Variants in LY6G5B observed in about 807,000 individuals in gnomAD.
LY6G5B encodes the protein lymphocyte antigen 6 complex locus protein G5b.
Under a neutral mutation model 6.7 loss-of-function variants are expected in LY6G5B, and 6 were observed. That is an observed-to-expected ratio of 0.89 (90% confidence interval 0.49 to 1.76). The LOEUF (loss-of-function observed/expected upper bound fraction) is 1.76, where lower values mean the gene tolerates loss of function less well. LY6G5B is among the 40% of genes most tolerant of loss of function. The probability of loss-of-function intolerance (pLI) is 0.01; values close to 1 mark genes in which losing one functional copy is unlikely to be tolerated. For missense variants in LY6G5B, 240 were observed against 249.5 expected, an observed-to-expected ratio of 0.96 and a Z score of 0.26; for synonymous variants, 98 against 99.4, an observed-to-expected ratio of 0.99 and a Z score of 0.09.
chr6:31,671,135 T>C (rs771124602), intron 1 of LY6G5B, 21 bp from the exon 2 acceptor site: 2 of 1,613,818 alleles, frequency 1.2e-6, no homozygotes, highest in Non-Finnish European at 1.7e-6. Flanking sequence ...AGTGCCTCCA[T>C]CCCTCCTTCT....
chr6:31,672,213 C>G lies in LY6G5B; in HGVS notation c.537C>G (p.Tyr179Ter). 1 of 1,613,142 alleles carries G rather than the reference C, an allele frequency of 6.2e-7. No individual in the cohort carries two copies. Among genetic ancestry groups the G allele is most frequent in the Non-Finnish European group, 8.5e-7 (1 of 1,180,046 alleles). Reference sequence around the variant, plus strand: ...CTTTTGCTGAGCTGCGCCGCATGTACTTGTTCCTCAATAGTTCAGGACTTT... The same window carrying G: ...CTTTTGCTGAGCTGCGCCGCATGTAGTTGTTCCTCAATAGTTCAGGACTTT... Residue 179 changes from tyrosine (Y) to a stop codon, truncating the protein, a stop_gained, in exon 3 of 3, where the codon TAC (tyrosine) becomes TAG (stop). Coordinates refer to ENST00000375864, the Ensembl canonical transcript of LY6G5B. LOFTEE classifies it low-confidence loss of function (END_TRUNC).
exon 1 of LY6G5B, chr6:31,670,840 C>A: frequency 8.8e-7 from 1 of 1,141,112 alleles, no homozygotes; most frequent in Non-Finnish European, 1.3e-6. Context: ...GCAGCTCCTG[C>A]TCAGACCTTG....
chr6:31,672,086 ACCAGGC>A, exon 3 of LY6G5B: 1 of 1,612,972 alleles, frequency 6.2e-7, no homozygotes, highest in African/African-American at 1.3e-5. Flanking sequence ...CAGTGGTTCT[ACCAGGC>A]CCTGAACCTC....
exon 3 of LY6G5B, chr6:31,671,975 A>G: frequency 1.2e-6 from 2 of 1,613,110 alleles, no homozygotes; most frequent in Non-Finnish European, 1.7e-6. Context: ...CAGTGCTGTC[A>G]GTACGATTAT....
exon 3 of LY6G5B, chr6:31,672,313 C>T: frequency 6.3e-7 from 1 of 1,587,752 alleles, no homozygotes; most frequent in Non-Finnish European, 8.6e-7. Context: ...TTCTGTAACA[C>T]CCTCAGCATC....
exon 3 of LY6G5B, chr6:31,672,106 C>T (rs892273314): frequency 1.2e-6 from 2 of 1,613,130 alleles, no homozygotes; most frequent in African/African-American, 2.7e-5. Flanking sequence ...GAACCTCTCC[C>T]TGCCCCTCCC....
chr6:31,671,310 G>T (rs764810388), intron 2 of LY6G5B, 26 bp downstream of exon 2: 2 of 1,612,492 alleles, frequency 1.2e-6, no homozygotes, highest in Middle Eastern at 3.3e-4. Context: ...GGAAGGGGCT[G>T]CTGGTGGGGC....
chr6:31,672,193 G>A (rs1232354121), exon 3 of LY6G5B: 8 of 1,613,132 alleles, frequency 5.0e-6, no homozygotes, highest in Non-Finnish European at 5.9e-6. Context: ...CTTGTCTTTT[G>A]CTGAGCTGCG....
exon 3 of LY6G5B, chr6:31,672,070 C>G (rs916706457): frequency 1.2e-6 from 2 of 1,613,082 alleles, no homozygotes; most frequent in Non-Finnish European, 1.7e-6. Flanking sequence ...GTCTGACTCC[C>G]AGATTCAGTG....
chr6:31,672,054 G>C, exon 3 of LY6G5B: 1 of 1,613,042 alleles, frequency 6.2e-7, no homozygotes, highest in Non-Finnish European at 8.5e-7. Context: ...CCCTGGCCCT[G>C]CCTCTGTCTG....
chr6:31,670,197 G>A lies in LY6G5B; in HGVS notation c.-754G>A. ...GACAGATTTGTGCTCAGTGGATTGG[G>A]TGGTGTTTTTAGTATGGAGCAGAAC... On this transcript the variant is annotated 5_prime_UTR_variant, in exon 1 of 3. It adds an upstream start codon to the 5' untranslated region. Transcript: ENST00000375864. 2.0e-6 allele frequency: 1 copy of A among 492,208 alleles called. No individual in the cohort carries two copies. Among genetic ancestry groups the A allele is most frequent in the Admixed American group, 3.8e-5 (1 of 26,654 alleles). 30.5% of individuals were successfully genotyped at this position (492,208 alleles called of 1,614,324 possible).
In LY6G5B at chr6:31,671,012, A is replaced by AGT; in HGVS notation, c.58+6_58+7dup. Reference sequence around the variant, plus strand: ...GTGGGCTTCACAGTAGGAAAGGGTAAGTGGGGCCCAGGGGCAGGGAGGGAG... The same window carrying AGT: ...GTGGGCTTCACAGTAGGAAAGGGTAAGTGTGGGGCCCAGGGGCAGGGAGGGAG... On this transcript the variant is annotated splice_donor_region_variant and intron_variant, in intron 1 of 2. Coordinates refer to ENST00000375864, the Ensembl canonical transcript of LY6G5B. 1 of 1,612,412 alleles carries AGT rather than the reference A, an allele frequency of 6.2e-7. No individual in the cohort carries two copies.
exon 3 of LY6G5B, chr6:31,672,544 C>T (rs1802313067): frequency 6.1e-6 from 3 of 493,978 alleles, no homozygotes; most frequent in African/African-American, 3.9e-5. Flanking sequence ...TCCCGGGTTC[C>T]AGCGATTCTC....
chr6:31,671,552 C>T (rs931372945), intron 2 of LY6G5B, among the ~76,000 whole-genome samples: 2 of 152,096 alleles, frequency 1.3e-5, no homozygotes, highest in African/African-American at 4.8e-5. Context: ...CCTGTAGTCC[C>T]AGCTACTCGG....
At chr6:31,671,750 C>G (rs2151193562) in intron 2 of LY6G5B, 114 bp from the exon 3 acceptor site, 1 of 1,302,730 alleles carries the variant, frequency 7.7e-7, no homozygotes, top group Non-Finnish European at 1.0e-6. Context: ...TCTTGAAGGA[C>G]TCTGGGTTAG....
chr6:31,671,300 G>A lies in LY6G5B; in HGVS notation c.187+16G>A, dbSNP rs753496011. ...ATCTATTATGGTAAATAAGGTCCCA[G>A]GAAGGGGCTGCTGGTGGGGCAGCCA... is the stretch of plus-strand genomic sequence containing the variant. On this transcript the variant is annotated intron_variant, in intron 2 of 2. Transcript: ENST00000375864. 6.2e-7 allele frequency: 1 copy of A among 1,612,952 alleles called. No homozygotes were observed. The highest frequency in any genetic ancestry group is 1.7e-5 in the Admixed American group (1 of 60,010).
At chr6:31,672,307 G>A (rs776063899) in exon 3 of LY6G5B, 1 of 1,595,746 alleles carries the variant, frequency 6.3e-7, no homozygotes, top group Non-Finnish European at 8.5e-7. Flanking sequence ...ATATCTTTCT[G>A]TAACACCCTC....
At chr6:31,673,358 TC>T (rs1802374817) in exon 3 of LY6G5B, 1 of 152,756 alleles carries the variant, frequency 6.5e-6, no homozygotes, top group African/African-American at 2.4e-5. Flanking sequence ...CCCCCGCCTG[TC>T]CTAGTGTTGT....
exon 3 of LY6G5B, chr6:31,672,417 G>A (rs1802302764): frequency 3.0e-6 from 3 of 1,015,418 alleles, no homozygotes; most frequent in Non-Finnish European, 4.3e-6. Context: ...TATGACTTTT[G>A]TGTAATTTTC....
Sources: gnomAD v4.1 joint callset for allele counts (sites outside exome capture counted in the v4.1 genomes callset) on GRCh38, gnomAD v4.1.1 for gene constraint, MANE v1.5 for transcripts, NCBI Gene and HGNC (gene_info 2026-07-23, HGNC 2026-07-21) for gene names.